The following CSMD1 variants were observed in gnomAD, a reference collection of about 807,000 sequenced individuals.
The protein encoded by CSMD1 is CUB and Sushi multiple domains 1, also known as CUB and sushi domain-containing protein 1.
A neutral mutation model predicts 417.5 loss-of-function variants in CSMD1; 213 were observed. The ratio of observed to expected loss-of-function variants is 0.51; its 90% confidence interval spans 0.46 to 0.57. CSMD1 has a LOEUF of 0.57. Among genes scored for constraint, CSMD1 ranks in the 20% least tolerant of loss-of-function variants. CSMD1 has a pLI of 0.00. For synonymous variants in CSMD1, 2,862 were observed against 1,736.8 expected, an observed-to-expected ratio of 1.65 and a Z score of -16.11; for missense variants, 6,923 against 4,529.7, an observed-to-expected ratio of 1.53 and a Z score of -15.17.
chr8:3,952,310 A>C (rs1218585899), intron 5 of CSMD1, among the ~76,000 whole-genome samples: 1 of 152,220 alleles, frequency 6.6e-6, no homozygotes, highest in Non-Finnish European at 1.5e-5. Flanking sequence ...TGTCGTGGCT[A>C]TAAATTGCAT....
chr8:4,424,993 T>G (rs191296303), intron 2 of CSMD1, among the ~76,000 whole-genome samples: 16 of 152,156 alleles, frequency 1.1e-4, no homozygotes, highest in African/African-American at 3.6e-4. Context: ...ACCAAAATAA[T>G]GCTATTTAAT....
intron 52 of CSMD1, 58 bp from the exon 53 acceptor site, chr8:3,000,189 C>A (rs1463925505): frequency 2.4e-5 from 30 of 1,269,652 alleles, no homozygotes; most frequent in Non-Finnish European, 3.1e-5. Flanking sequence ...AAAAGTAGTA[C>A]ATTCACAACT....
At chr8:4,269,393 C>A (rs1455405039) in intron 3 of CSMD1, among the ~76,000 whole-genome samples, 1 of 152,136 alleles carries the variant, frequency 6.6e-6, no homozygotes, top group East Asian at 1.9e-4. Context: ...GTGCTTTGAA[C>A]CACACTCCTA....
At chr8:3,080,956 T>C (rs1001594884) in intron 49 of CSMD1, among the ~76,000 whole-genome samples, 28 of 152,274 alleles carry the variant, frequency 1.8e-4, no homozygotes, top group Admixed American at 1.4e-3. Flanking sequence ...TGAATTAAAA[T>C]AGAAGACAAC....
At chr8:3,275,164 A>AT (rs1363548858) in intron 26 of CSMD1, among the ~76,000 whole-genome samples, 3 of 152,130 alleles carry the variant, frequency 2.0e-5, no homozygotes, top group Non-Finnish European at 4.4e-5. Context: ...TCTGTAAAGT[A>AT]TTTTATTTCT....
chr8:4,057,630 A>T (rs1798764252), intron 3 of CSMD1, among the ~76,000 whole-genome samples: 2 of 130,898 alleles, frequency 1.5e-5, no homozygotes, highest in African/African-American at 2.7e-5. Flanking sequence ...CTGAATGGTA[A>T]TGCCTAGGTT....
At chr8:3,917,927 G>A (rs547011041) in intron 5 of CSMD1, among the ~76,000 whole-genome samples, 2 of 151,970 alleles carry the variant, frequency 1.3e-5, no homozygotes, top group Non-Finnish European at 2.9e-5. Flanking sequence ...TGTTTTTTAA[G>A]CATTTAAAAT....
intron 3 of CSMD1, among the ~76,000 whole-genome samples, chr8:4,332,577 AC>A (rs1799929696): frequency 7.1e-6 from 1 of 141,606 alleles, no homozygotes; most frequent in Non-Finnish European, 1.5e-5. Context: ...ACACACACAC[AC>A]ACACACACAC....
chr8:4,557,085 T>C (rs979694389), intron 2 of CSMD1, among the ~76,000 whole-genome samples: 3 of 152,216 alleles, frequency 2.0e-5, no homozygotes, highest in Admixed American at 1.3e-4. Flanking sequence ...ACATACTTTA[T>C]AAAATGCTGT....
chr8:4,006,459 G>C (rs549440965), intron 4 of CSMD1, among the ~76,000 whole-genome samples: 14 of 152,100 alleles, frequency 9.2e-5, no homozygotes, highest in Admixed American at 2.6e-4. Flanking sequence ...CCGAAGAATC[G>C]CTTGAACTTG....
At chr8:4,343,313 T>G (rs1161447846) in intron 3 of CSMD1, among the ~76,000 whole-genome samples, 1 of 152,036 alleles carries the variant, frequency 6.6e-6, no homozygotes, top group African/African-American at 2.4e-5. Context: ...GGGTACAAAA[T>G]TTTAGTAAGA....
intron 1 of CSMD1, among the ~76,000 whole-genome samples, chr8:4,903,564 G>T (rs1001254769): frequency 6.6e-6 from 1 of 152,232 alleles, no homozygotes; most frequent in African/African-American, 2.4e-5. Flanking sequence ...TGGTCTCTCT[G>T]GTGGCAATTT....
At position 3,526,214 on chromosome 8, in the gene CSMD1, T is replaced by G. The variant is rs76092273; in HGVS notation, c.1345-32488A>C. On this transcript the variant is annotated intron_variant, in intron 10 of 69. Transcript: ENST00000635120. ...TTTTCTCATCAATCATAAGACTACA[T>G]CGTTTTTCCTTCCTGAACCTTCTAT... Among the ~76,000 whole-genome samples the G allele has an allele frequency of 1.6e-3, 245 of 152,268 alleles. 1 individual carries two copies. Among genetic ancestry groups the G allele is most frequent in the South Asian group, 8.1e-3 (39 of 4,830 alleles).
chr8:4,503,969 C>CAAAAAAAAAAAAAAAAAAAAA (rs200846437), intron 2 of CSMD1, among the ~76,000 whole-genome samples: 1 of 85,796 alleles, frequency 1.2e-5, no homozygotes. Flanking sequence ...CTTGCATATT[C>CAAAAAAAAAAAAAAAAAAAAA]AAAAAAAAAA....
In CSMD1 at chr8:4,460,672, G is replaced by C. The variant is rs185304234; in HGVS notation, c.303-40607C>G. On this transcript the variant is annotated intron_variant, in intron 2 of 69. Coordinates refer to ENST00000635120, the MANE Select transcript of CSMD1 (RefSeq NM_033225.6). ...GATATTTAAGAAGAAGACTGTAAGA[G>C]AATTTTATAAACATCTGGTAGTCAA... Among the ~76,000 whole-genome samples the C allele has an allele frequency of 3.3e-3, 435 of 131,338 alleles. 2 individuals are homozygous for C. Among genetic ancestry groups the C allele is most frequent in the African/African-American group, 0.017 (404 of 23,836 alleles). The allele number at this position is 131,338 out of a possible 152,430, so 86.2% of individuals were successfully genotyped here.
intron 2 of CSMD1, among the ~76,000 whole-genome samples, chr8:4,630,585 ATACATTGAGGAAAAT>A (rs1465270940): frequency 6.6e-6 from 1 of 152,216 alleles, no homozygotes; most frequent in Non-Finnish European, 1.5e-5. Flanking sequence ...AATTTGAAAG[ATACATTGAGGAAAAT>A]TACATTTTAT....
chr8:3,873,671 T>A (rs557800159), intron 5 of CSMD1, among the ~76,000 whole-genome samples: 2 of 152,248 alleles, frequency 1.3e-5, no homozygotes, highest in South Asian at 4.2e-4. Flanking sequence ...TTTATCTATA[T>A]GACATGTATC....
intron 1 of CSMD1, among the ~76,000 whole-genome samples, chr8:4,926,086 T>A (rs556650904): frequency 1.3e-5 from 2 of 152,350 alleles, no homozygotes; most frequent in African/African-American, 4.8e-5. Context: ...CTTATTCTTT[T>A]GAATTGTTTT....
intron 3 of CSMD1, among the ~76,000 whole-genome samples, chr8:4,215,232 G>C (rs567990893): frequency 6.6e-6 from 1 of 152,258 alleles, no homozygotes; most frequent in African/African-American, 2.4e-5. Flanking sequence ...AGAAATTCTT[G>C]ATCAGAGATG....
Sources: gnomAD v4.1 joint callset for allele counts (sites outside exome capture counted in the v4.1 genomes callset) on GRCh38, gnomAD v4.1.1 for gene constraint, MANE v1.5 for transcripts, NCBI Gene and HGNC (gene_info 2026-07-23, HGNC 2026-07-21) for gene names.